The following RPL6 variants were observed in gnomAD, a reference collection of about 807,000 sequenced individuals.
RPL6 encodes large ribosomal subunit protein eL6.
RPL6 carries 1 observed loss-of-function variant against 32.1 expected under a neutral mutation model. The ratio of observed to expected loss-of-function variants is 0.03; its 90% CI spans 0.01 to 0.15. The LOEUF is 0.15. Ranked by LOEUF, RPL6 falls within the 10% of genes least tolerant of loss-of-function variation. RPL6 has a pLI of 1.00. For missense variants in RPL6, 275 were observed against 354.6 expected (o/e 0.78, Z 1.80); for synonymous variants, 126 against 131.6 (o/e 0.96, Z 0.29).
chr12:112,406,141 G>T, intron 5 of RPL6, 104 bp from the exon 6 acceptor site: 1 of 1,238,742 alleles, frequency 8.1e-7, no homozygotes, highest in Non-Finnish European at 1.2e-6. Context: ...AAGACCACTT[G>T]TCTAACCCAC....
upstream of RPL6, among the ~76,000 whole-genome samples, chr12:112,414,570 C>A (rs2037379372): frequency 6.6e-6 from 1 of 152,108 alleles, no homozygotes; most frequent in African/African-American, 2.4e-5. Flanking sequence ...ACAGAGGAGT[C>A]AAATGACTTG....
intron 1 of RPL6, among the ~76,000 whole-genome samples, chr12:112,417,026 C>T (rs1446904030): frequency 2.6e-5 from 4 of 152,166 alleles, no homozygotes; most frequent in African/African-American, 9.7e-5. Flanking sequence ...ATGGGTTAAA[C>T]TTATGGCTCT....
upstream of RPL6, among the ~76,000 whole-genome samples, chr12:112,415,057 T>TCCC (rs2037388788): frequency 1.3e-5 from 2 of 152,194 alleles, no homozygotes; most frequent in African/African-American, 4.8e-5. Flanking sequence ...AGGCTTGTAT[T>TCCC]CCAGAGGAAG....
chr12:112,405,725 T>G, intron 6 of RPL6, 128 bp downstream of exon 6: 1 of 789,568 alleles, frequency 1.3e-6, no homozygotes, highest in Non-Finnish European at 2.0e-6. Context: ...GAATCTGGAA[T>G]ACTAAGTATC....
chr12:112,407,574 T>G (rs1164124213), intron 3 of RPL6: 1 of 153,056 alleles, frequency 6.5e-6, no homozygotes, highest in Non-Finnish European at 1.5e-5. Context: ...TTAACTTATT[T>G]GGGAATGTTC....
intron 4 of RPL6, 91 bp downstream of exon 4, chr12:112,406,652 GTAAA>G: frequency 6.8e-7 from 1 of 1,479,568 alleles, no homozygotes; most frequent in Non-Finnish European, 9.1e-7. Context: ...CCAAACATAG[GTAAA>G]TAAAGGAAAA....
chr12:112,411,367 A>T (rs1323719027), upstream of RPL6: 3 of 151,886 alleles, frequency 2.0e-5, no homozygotes, highest in African/African-American at 7.3e-5. Context: ...TTTCACCTTG[A>T]TTTTTTCAGA....
At position 112,406,994 on chromosome 12, in the gene RPL6, A is replaced by G. The variant is rs2037191184; in HGVS notation, c.337-104T>C. The G allele has an allele frequency of 9.1e-6, 10 of 1,098,982 alleles. No homozygotes were observed. The South Asian group carries it at 1.6e-4, about 17-fold the overall frequency. The allele number at this position is 1,098,982 out of a possible 1,614,324, so 68.1% of individuals were successfully genotyped here. On this transcript the variant is annotated intron_variant, in intron 3 of 6. Transcript: ENST00000202773. ...TGCTACAGCCTTTTTATTTTAAAGT[A>G]TAATACTGTATTTATATGATTCCAT...
chr12:112,405,893 G>C lies in RPL6; in HGVS notation c.674C>G (p.Pro225Arg). The C allele has an allele frequency of 6.2e-7, 1 of 1,613,830 alleles. No individual in the cohort carries two copies. Among genetic ancestry groups the C allele is most frequent in the African/African-American group, 1.3e-5 (1 of 75,010 alleles). The change falls in exon 6 of 7, where the codon CCC (proline) becomes CGC (arginine). Residue 225 changes from proline to arginine, a missense_variant. Pro to Arg is a moderately radical substitution (Grantham distance 103). Transcript: ENST00000202773. ...AYFKKKKLRK[P>R]RHQEGEIFDT... is the part of the protein sequence containing the mutation. Reference sequence around the variant, plus strand: ...GAAGATCTCACCTTCCTGGTGTCTGGGCTTCCGCAGCTTCTTCTTCTTGAA... The same window carrying C: ...GAAGATCTCACCTTCCTGGTGTCTGCGCTTCCGCAGCTTCTTCTTCTTGAA...
chr12:112,409,454 G>A (rs921624248), intron 1 of RPL6, 133 bp downstream of exon 1: 1 of 398,620 alleles, frequency 2.5e-6, no homozygotes, highest in Non-Finnish European at 4.4e-6. Context: ...AAAATGAAGC[G>A]TCTGGAAGGC....
rs756357516 is a variant in RPL6, at chr12:112,408,677, A to T, written c.1-21T>A. On this transcript the variant is annotated intron_variant, in intron 1 of 6. Coordinates refer to ENST00000202773, the MANE Select transcript of RPL6 (RefSeq NM_000970.6). ...GCCATCTAAAAATATTTTTTTGTAG[A>T]TAAAAAAAGGCATTTCACCAGTCAT... 3 of 1,551,618 alleles carry T rather than the reference A, an allele frequency of 1.9e-6. No homozygotes were observed. In the African/African-American group the frequency reaches 4.1e-5, roughly 21 times the overall value.
At chr12:112,417,948 C>T (rs1421980737) in intron 1 of RPL6, among the ~76,000 whole-genome samples, 1 of 152,000 alleles carries the variant, frequency 6.6e-6, no homozygotes, top group Non-Finnish European at 1.5e-5. Context: ...CAGGCGTGTG[C>T]CACCGCTCCC....
chr12:112,413,253 T>G (rs1234400405), upstream of RPL6, among the ~76,000 whole-genome samples: 1 of 152,188 alleles, frequency 6.6e-6, no homozygotes, highest in Non-Finnish European at 1.5e-5. Context: ...TAAGATGGAG[T>G]TGGCCGGGTG....
intron 2 of RPL6, 35 bp downstream of exon 2, chr12:112,408,385 T>G (rs1466111905): frequency 6.2e-7 from 1 of 1,613,648 alleles, no homozygotes; most frequent in East Asian, 2.2e-5. Context: ...CCAATTAAGG[T>G]TAAGACATAA....
intron 1 of RPL6, chr12:112,409,358 G>A: frequency 5.0e-6 from 2 of 396,518 alleles, no homozygotes; most frequent in East Asian, 3.6e-5. Context: ...CGTTCCCCCA[G>A]CCCAAGAGAG....
rs748590920 is a variant in RPL6 at position 112,408,232 on chromosome 12, C to T, written c.336+8G>A. 1 of 1,608,636 alleles carries T rather than the reference C, an allele frequency of 6.2e-7. No homozygotes were observed. The highest frequency in any genetic ancestry group is 1.1e-5 in the South Asian group (1 of 90,878). ...CAGAAAATCCAATTTACAGTCCCCACATCTTACCATTTTGCGAAGTTTAAC... is the reference window on the plus strand; with the variant it reads ...CAGAAAATCCAATTTACAGTCCCCATATCTTACCATTTTGCGAAGTTTAAC... On this transcript the variant is annotated splice_region_variant and intron_variant, in intron 3 of 6. Transcript: ENST00000202773.
At chr12:112,405,780 G>T in intron 6 of RPL6, 73 bp downstream of exon 6, 3 of 1,231,552 alleles carry the variant, frequency 2.4e-6, no homozygotes, top group Admixed American at 2.4e-5. Flanking sequence ...TCTTCTTTTT[G>T]TGCAACCTGT....
At chr12:112,405,452 C>G (rs532509520) in intron 6 of RPL6, 76 bp from the exon 7 acceptor site, 131 of 1,339,180 alleles carry the variant, frequency 9.8e-5, no homozygotes, top group Non-Finnish European at 6.3e-6. Flanking sequence ...GGAGTCCTGT[C>G]TCACAAGTAC....
chr12:112,410,079 C>G (rs1242622901), upstream of RPL6, among the ~76,000 whole-genome samples: 1 of 151,560 alleles, frequency 6.6e-6, no homozygotes, highest in Non-Finnish European at 1.5e-5. Context: ...GATCGTGCCA[C>G]TGCGTGCCAC....
Sources: allele counts gnomAD v4.1 joint callset (sites outside exome capture counted in the v4.1 genomes callset), GRCh38; gene constraint gnomAD v4.1.1; transcripts MANE v1.5; gene names NCBI Gene and HGNC (gene_info 2026-07-23, HGNC 2026-07-21).